Variants in TRAPPC11 observed in about 807,000 individuals in gnomAD.
The protein encoded by TRAPPC11 is trafficking protein particle complex subunit 11, also known as foie gras homolog.
A neutral mutation model predicts 151.2 loss-of-function variants in TRAPPC11; 104 were observed. The ratio of observed to expected loss-of-function variants is 0.69; its 90% CI spans 0.59 to 0.81. The LOEUF (loss-of-function observed/expected upper bound fraction) is 0.81. Ranked by LOEUF, TRAPPC11 falls within the 30% of genes least tolerant of loss-of-function variation. The probability of loss-of-function intolerance (pLI) is 0.00; values close to 1 mark genes in which losing one functional copy is unlikely to be tolerated. For missense variants in TRAPPC11, 1,230 were observed against 1,349.6 expected (o/e 0.91, Z 1.39); for synonymous variants, 456 against 472.3 (o/e 0.97, Z 0.45).
At position 183,692,906 on chromosome 4, in the gene TRAPPC11, T is replaced by C. The variant is rs150555885; in HGVS notation, c.2050-54T>C. 5 of 1,500,538 alleles carry C rather than the reference T, an allele frequency of 3.3e-6. No homozygotes were observed. The African/African-American group carries it at 5.6e-5, about 17-fold the overall frequency. 93.0% of individuals were successfully genotyped at this position (1,500,538 alleles called of 1,614,324 possible). A position where few individuals can be genotyped will look rare whatever the true frequency, so the allele number is the denominator to read the frequency against. On this transcript the variant is annotated intron_variant, in intron 19 of 29. Transcript: ENST00000334690. ...ACGATGTAATTTTGGTGAGAGGAGA[T>C]GGTGACAAGCACATATGAGATGACA...
intron 7 of TRAPPC11, chr4:183,675,563 T>C (rs1735368203): frequency 6.2e-6 from 1 of 161,844 alleles, no homozygotes; most frequent in Non-Finnish European, 1.3e-5. Context: ...TGTAAGAGGC[T>C]GATTTAAACA....
intron 29 of TRAPPC11, among the ~76,000 whole-genome samples, chr4:183,710,856 C>A (rs1236131881): frequency 6.6e-6 from 1 of 151,466 alleles, no homozygotes; most frequent in Admixed American, 6.6e-5. Flanking sequence ...TGGTGAAACC[C>A]CATCTCTAGT....
chr4:183,711,641 C>T (rs1737345831), intron 29 of TRAPPC11, among the ~76,000 whole-genome samples: 2 of 152,154 alleles, frequency 1.3e-5, no homozygotes, highest in South Asian at 4.1e-4. Context: ...TATGTATGTA[C>T]ACACACACTG....
At chr4:183,708,633 T>A in intron 29 of TRAPPC11, 59 bp downstream of exon 29, 1 of 1,516,510 alleles carries the variant, frequency 6.6e-7, no homozygotes, top group Non-Finnish European at 9.1e-7. Context: ...AACAGACTTC[T>A]TTTTCATGTA....
chr4:183,704,393 C>A (rs150153272), intron 26 of TRAPPC11, among the ~76,000 whole-genome samples: 1 of 151,912 alleles, frequency 6.6e-6, no homozygotes, highest in Non-Finnish European at 1.5e-5. Flanking sequence ...TGGCTTCACG[C>A]GCCTGTAATC....
At position 183,712,766 on chromosome 4, in the gene TRAPPC11, GT is replaced by G; in HGVS notation, c.*124del. ...TAACCTTTTCTATTTTTTAATGGAT[GT>G]TATACCAACTATTCAGAGGAACTCA... On this transcript the variant is annotated 3_prime_UTR_variant, in exon 30 of 30. Transcript: ENST00000334690. 1 of 924,168 alleles carries G rather than the reference GT, an allele frequency of 1.1e-6. No homozygotes were observed. Among genetic ancestry groups the G allele is most frequent in the East Asian group, 2.4e-5 (1 of 40,842 alleles). 57.2% of individuals were successfully genotyped at this position (924,168 alleles called of 1,614,324 possible).
chr4:183,697,021 T>A (rs1736571712), intron 23 of TRAPPC11, among the ~76,000 whole-genome samples: 1 of 152,030 alleles, frequency 6.6e-6, no homozygotes, highest in Non-Finnish European at 1.5e-5. Flanking sequence ...CAGAGATAAA[T>A]AATGTATAAG....
At chr4:183,708,839 C>T (rs1049321440) in intron 29 of TRAPPC11, among the ~76,000 whole-genome samples, 3 of 152,068 alleles carry the variant, frequency 2.0e-5, no homozygotes, top group Non-Finnish European at 4.4e-5. Context: ...GTAAAGTATG[C>T]TTTAAAATTG....
rs556076699 is a variant in TRAPPC11, at chr4:183,693,296, A to G, written c.2237+149A>G. 1.6e-5 allele frequency: 13 copies of G among 793,892 alleles called. 1 individual carries two copies. In the East Asian group the frequency reaches 3.7e-4, roughly 22 times the overall value. The allele number at this position is 793,892 out of a possible 1,614,324, so 49.2% of individuals were successfully genotyped here. ...AGCCTTGACCACCTGAGCTCAAACC[A>G]TCCTCCCACCTCAGGCGCTACCCTT... On this transcript the variant is annotated intron_variant, in intron 20 of 29. Transcript: ENST00000334690.
chr4:183,691,503 T>A (rs747646239), intron 19 of TRAPPC11, 32 bp downstream of exon 19: 1 of 1,299,296 alleles, frequency 7.7e-7, no homozygotes. Flanking sequence ...AAAATATTTT[T>A]AATAATAAAA....
intron 29 of TRAPPC11, among the ~76,000 whole-genome samples, chr4:183,711,475 C>T (rs1737337891): frequency 6.6e-6 from 1 of 152,136 alleles, no homozygotes; most frequent in African/African-American, 2.4e-5. Flanking sequence ...CTACATTTGG[C>T]AGGGATTTCA....
chr4:183,701,843 G>C (rs1561060728), intron 26 of TRAPPC11, 35 bp downstream of exon 26: 1 of 1,321,382 alleles, frequency 7.6e-7, no homozygotes. Context: ...TTTCTTCAAT[G>C]TCTCTGTTAT....
chr4:183,663,791 A>C, intron 1 of TRAPPC11, 56 bp from the exon 2 acceptor site: 3 of 819,834 alleles, frequency 3.7e-6, no homozygotes, highest in Non-Finnish European at 5.4e-6. Context: ...CAGGCTGGAG[A>C]AATGAATATG....
chr4:183,679,392 G>A lies in TRAPPC11; in HGVS notation c.871G>A (p.Ala291Thr). ...TTTTCAACACAACACCCCATTGGAT[G>A]CAATTGCTCAGTTCCGAAAACACAT... ...LCFQHNTPLD[A>T]IAQFRKHIDL... is the part of the protein sequence containing the mutation. The change falls in exon 9 of 30, where the codon GCA becomes ACA. Residue 291 changes from alanine (A) to threonine (T), a missense_variant. By Grantham distance (58) the Ala-to-Thr change is moderately conservative. Coordinates refer to ENST00000334690, the MANE Select transcript of TRAPPC11 (RefSeq NM_021942.6). 6.2e-7 allele frequency: 1 copy of A among 1,612,452 alleles called. No individual in the cohort carries two copies. The highest frequency in any genetic ancestry group is 8.5e-7 in the Non-Finnish European group (1 of 1,179,268).
At chr4:183,686,305 T>G (rs911343202) in intron 17 of TRAPPC11, among the ~76,000 whole-genome samples, 2 of 152,028 alleles carry the variant, frequency 1.3e-5, no homozygotes, top group Admixed American at 1.3e-4. Context: ...CCCGGCTAAT[T>G]TTTGTATTTT....
At chr4:183,696,989 G>A (rs903903801) in intron 23 of TRAPPC11, among the ~76,000 whole-genome samples, 1 of 152,064 alleles carries the variant, frequency 6.6e-6, no homozygotes, top group African/African-American at 2.4e-5. Context: ...GATGATGCCT[G>A]CCCTGCCCAC....
Position 183,660,795 on chromosome 4 carries a change from T to C in TRAPPC11, c.-22+1348T>C, listed in dbSNP as rs58583277. On this transcript the variant is annotated intron_variant, in intron 1 of 29. Transcript: ENST00000334690. ...GTGGTGCGATCTCGGCTCACTGAAA[T>C]CTCCGCCTCCCGGGTTCAAGCCATT... is the stretch of plus-strand genomic sequence containing the variant. 8.6e-3 allele frequency among the ~76,000 whole-genome samples: 1,310 copies of C among 151,978 alleles called. 17 individuals are homozygous for C. Among genetic ancestry groups the C allele is most frequent in the African/African-American group, 0.03 (1,249 of 41,430 alleles).
At chr4:183,703,937 G>T (rs1364914387) in intron 26 of TRAPPC11, among the ~76,000 whole-genome samples, 4 of 152,190 alleles carry the variant, frequency 2.6e-5, no homozygotes, top group Admixed American at 6.5e-5. Context: ...CGTGTAGTGA[G>T]TTACAATAGT....
At chr4:183,689,647 T>TTC (rs11430507) in intron 18 of TRAPPC11, among the ~76,000 whole-genome samples, 85 of 146,936 alleles carry the variant, frequency 5.8e-4, no homozygotes, top group Non-Finnish European at 6.6e-4. Context: ...TTTTTTTTTT[T>TTC]AAAGAGATAC....
Sources: allele counts gnomAD v4.1 joint callset (sites outside exome capture counted in the v4.1 genomes callset), GRCh38; gene constraint gnomAD v4.1.1; transcripts MANE v1.5; gene names NCBI Gene and HGNC (gene_info 2026-07-23, HGNC 2026-07-21).